Variants in HNF4G observed in about 807,000 individuals in gnomAD.
HNF4G encodes hepatocyte nuclear factor 4-gamma.
A neutral mutation model predicts 50.9 loss-of-function variants in HNF4G; 21 were observed. The observed-to-expected ratio is 0.41, with a 90% CI of 0.29 to 0.59. The LOEUF (loss-of-function observed/expected upper bound fraction) is 0.59. Ranked by LOEUF, HNF4G falls within the 20% of genes least tolerant of loss-of-function variation. The pLI, the probability that HNF4G is intolerant of heterozygous loss-of-function variation, is 0.26. For missense variants in HNF4G, 527 were observed against 559.4 expected, an observed-to-expected ratio of 0.94 and a Z score of 0.58; for synonymous variants, 198 against 185.6, an observed-to-expected ratio of 1.07 and a Z score of -0.54.
chr8:75,473,745 G>C (rs560258204), intron 1 of HNF4G, among the ~76,000 whole-genome samples: 1 of 152,250 alleles, frequency 6.6e-6, no homozygotes, highest in South Asian at 2.1e-4. Flanking sequence ...GAACTGGGGG[G>C]AGTAGACAGA....
Position 75,565,683 on chromosome 8 carries a change from A to C in HNF4G, c.*1587A>C, listed in dbSNP as rs1161926648. On this transcript the variant is annotated 3_prime_UTR_variant, in exon 10 of 10. Transcript: ENST00000396423. ...ATTTTTTTTAAAAAGAGGATCCCAA[A>C]CTGTAAAAGATTGAAATAATCTTTC... 1 of 152,122 alleles carries C rather than the reference A, an allele frequency of 6.6e-6. No individual in the cohort carries two copies. Among genetic ancestry groups the C allele is most frequent in the Non-Finnish European group, 1.5e-5 (1 of 68,016 alleles). 9.4% of individuals were successfully genotyped at this position (152,122 alleles called of 1,614,324 possible). A position where few individuals can be genotyped will look rare whatever the true frequency, so the allele number is the denominator to read the frequency against.
At chr8:75,551,523 T>C (rs945328486) in intron 4 of HNF4G, 29 bp downstream of exon 4, 3 of 1,295,722 alleles carry the variant, frequency 2.3e-6, no homozygotes, top group African/African-American at 2.9e-5. Flanking sequence ...CATCAAACCC[T>C]ATTTAATAAA....
upstream of HNF4G, among the ~76,000 whole-genome samples, chr8:75,537,522 A>G (rs764850230): frequency 2.6e-5 from 4 of 152,116 alleles, no homozygotes; most frequent in Non-Finnish European, 5.9e-5. Context: ...CTGGGATTAC[A>G]GGCGTGAGCT....
At chr8:75,510,264 T>C (rs1805715485) in intron 2 of HNF4G, among the ~76,000 whole-genome samples, 3 of 152,186 alleles carry the variant, frequency 2.0e-5, no homozygotes, top group African/African-American at 7.2e-5. Flanking sequence ...GTTGACAATG[T>C]GTATATGTTT....
chr8:75,435,070 G>T (rs1811104997), intron 1 of HNF4G, among the ~76,000 whole-genome samples: 1 of 152,082 alleles, frequency 6.6e-6, no homozygotes, highest in Non-Finnish European at 1.5e-5. Flanking sequence ...ATTTAATGAG[G>T]CTAGTGTAAT....
intron 1 of HNF4G, among the ~76,000 whole-genome samples, chr8:75,470,256 T>A (rs1368388728): frequency 6.6e-6 from 1 of 152,194 alleles, no homozygotes; most frequent in Non-Finnish European, 1.5e-5. Flanking sequence ...TTACATTTGA[T>A]TATAAAAGCA....
intron 2 of HNF4G, among the ~76,000 whole-genome samples, chr8:75,530,941 C>A (rs756289118): frequency 3.3e-5 from 5 of 151,928 alleles, no homozygotes; most frequent in African/African-American, 4.8e-5. Context: ...TACGGGCATG[C>A]ACCACCACAC....
rs752866291 is a variant in HNF4G at position 75,560,411 on chromosome 8, T to C, written c.1191T>C (p.Thr397=). 6.2e-7 allele frequency: 1 copy of C among 1,613,202 alleles called. No individual in the cohort carries two copies. Among genetic ancestry groups the C allele is most frequent in the Non-Finnish European group, 8.5e-7 (1 of 1,179,304 alleles). The change falls in exon 9 of 10, where the codon ACT becomes ACC. Residue 397 remains threonine (T), a synonymous_variant. Transcript: ENST00000396423. The part of the protein sequence containing the change: ...MHPHLSQDPL[T]GQTILLGPMS... ...CACATTTGTCTCAAGACCCATTAAC[T>C]GGACAAACTATACTTTTAGGTCCCA...
intron 2 of HNF4G, among the ~76,000 whole-genome samples, chr8:75,512,438 T>TTAC (rs1805779791): frequency 2.5e-5 from 3 of 121,634 alleles, no homozygotes; most frequent in East Asian, 2.2e-4. Flanking sequence ...TTTATTATTA[T>TTAC]TATTACTATT....
chr8:75,564,010 G>A lies in HNF4G; in HGVS notation c.1282G>A (p.Gly428Ser). The part of the protein sequence containing the change: ...PETPLPSPPQ[G>S]SGQEQYKIAA... ...AACCCCACTCCCTTCCCCACCACAAGGCTCTGGGCAAGAACAGTACAAAAT... is the reference window on the plus strand; with the variant it reads ...AACCCCACTCCCTTCCCCACCACAAAGCTCTGGGCAAGAACAGTACAAAAT... Residue 428 changes from glycine to serine, a missense_variant, in exon 10 of 10, where the codon GGC becomes AGC. Gly to Ser is a moderately conservative substitution (Grantham distance 56). This residue lies in a region of HNF4G where 308 missense variants were observed against 301.5 expected (regional missense o/e 1.02). Transcript: ENST00000396423. 6.2e-7 allele frequency: 1 copy of A among 1,613,540 alleles called. No individual in the cohort carries two copies. The highest frequency in any genetic ancestry group is 8.5e-7 in the Non-Finnish European group (1 of 1,179,634).
chr8:75,454,970 T>A (rs1811684600), intron 1 of HNF4G, among the ~76,000 whole-genome samples: 1 of 152,208 alleles, frequency 6.6e-6, no homozygotes. Context: ...CACGTATATA[T>A]GTTAGCATTT....
intron 1 of HNF4G, among the ~76,000 whole-genome samples, chr8:75,435,876 G>A (rs1007332754): frequency 1.3e-5 from 2 of 152,136 alleles, no homozygotes; most frequent in Non-Finnish European, 2.9e-5. Context: ...TTACAGGTGT[G>A]AGCCACCACA....
intron 2 of HNF4G, among the ~76,000 whole-genome samples, chr8:75,520,901 TC>T (rs1264708228): frequency 6.6e-6 from 1 of 152,092 alleles, no homozygotes; most frequent in Non-Finnish European, 1.5e-5. Flanking sequence ...CTAAAATTAA[TC>T]TTTTTAATAA....
At chr8:75,407,902 G>A (rs2130449338), upstream of HNF4G, 1 of 152,240 alleles carries the variant, frequency 6.6e-6, no homozygotes, top group South Asian at 2.1e-4. Context: ...CCTGCTGCCG[G>A]GAGATGCGGC....
chr8:75,454,603 C>A (rs1215809196), intron 1 of HNF4G, among the ~76,000 whole-genome samples: 1 of 152,180 alleles, frequency 6.6e-6, no homozygotes, highest in Non-Finnish European at 1.5e-5. Context: ...TGTCAGGCTT[C>A]TACCCGCTGT....
At chr8:75,435,984 C>G (rs994838065) in intron 1 of HNF4G, among the ~76,000 whole-genome samples, 3 of 152,056 alleles carry the variant, frequency 2.0e-5, no homozygotes, top group Non-Finnish European at 2.9e-5. Context: ...ACTATAAAAT[C>G]CAAATATGGC....
intron 1 of HNF4G, among the ~76,000 whole-genome samples, chr8:75,427,003 G>GT (rs538416178): frequency 2.4e-4 from 36 of 152,194 alleles, no homozygotes; most frequent in African/African-American, 8.4e-4. Flanking sequence ...TTTTGGTATT[G>GT]TTTTTTAAGT....
At chr8:75,424,566 A>G (rs1464981935) in intron 1 of HNF4G, among the ~76,000 whole-genome samples, 1 of 152,094 alleles carries the variant, frequency 6.6e-6, no homozygotes, top group East Asian at 1.9e-4. Flanking sequence ...GAGTTCCCAG[A>G]GTCTACTGTT....
intron 2 of HNF4G, among the ~76,000 whole-genome samples, chr8:75,518,423 C>T (rs1055485373): frequency 3.3e-5 from 5 of 152,130 alleles, no homozygotes; most frequent in East Asian, 1.9e-4. Context: ...GTCGGTGTGG[C>T]GATTCCTCAG....
Sources: gnomAD v4.1 joint callset for allele counts (sites outside exome capture counted in the v4.1 genomes callset) on GRCh38, gnomAD v4.1.1 for gene constraint, gnomAD v4.1.1 regional missense constraint, MANE v1.5 for transcripts, NCBI Gene and HGNC (gene_info 2026-07-23, HGNC 2026-07-21) for gene names.